The following XNDC1N variants were observed in gnomAD, a reference collection of about 807,000 sequenced individuals.
The protein encoded by XNDC1N is protein XNDC1N.
the XNDC1N span, chr11:71,916,809 C>A: frequency 6.3e-6 from 1 of 157,696 alleles, no homozygotes; most frequent in Non-Finnish European, 1.4e-5. Flanking sequence ...CAACTTAAAA[C>A]AGACAAATCC....
chr11:71,909,817 T>A, the XNDC1N span, among the ~76,000 whole-genome samples: 569 of 152,308 alleles, frequency 3.7e-3, 4 homozygotes, highest in African/African-American at 0.013. Flanking sequence ...AGGAAGGGAC[T>A]TGCTCAGCAA....
chr11:71,885,965 T>C, the XNDC1N span, among the ~76,000 whole-genome samples: 1 of 152,004 alleles, frequency 6.6e-6, no homozygotes, highest in Non-Finnish European at 1.5e-5. Context: ...GGGTTATTAA[T>C]ATTGATAATT....
At chr11:71,911,493 G>A in the XNDC1N span, among the ~76,000 whole-genome samples, 6 of 152,128 alleles carry the variant, frequency 3.9e-5, no homozygotes, top group Admixed American at 1.3e-4. Context: ...GAGGTGCAGG[G>A]TATGCAGTGA....
chr11:71,916,836 C>A, the XNDC1N span: 1 of 157,210 alleles, frequency 6.4e-6, no homozygotes, highest in Non-Finnish European at 1.4e-5. Flanking sequence ...GACTGTACAT[C>A]CCTAGAGGCT....
the XNDC1N span, among the ~76,000 whole-genome samples, chr11:71,896,452 A>G: frequency 6.6e-6 from 1 of 152,268 alleles, no homozygotes; most frequent in Non-Finnish European, 1.5e-5. Context: ...TGAAAATTTT[A>G]GTTCACAAGA....
the XNDC1N span, among the ~76,000 whole-genome samples, chr11:71,890,196 G>A: frequency 1.3e-5 from 2 of 152,040 alleles, no homozygotes; most frequent in African/African-American, 4.8e-5. Flanking sequence ...CTCCTCCCCC[G>A]GCCCCGGATA....
At chr11:71,919,603 TG>T in the XNDC1N span, among the ~76,000 whole-genome samples, 4 of 75,966 alleles carry the variant, frequency 5.3e-5, no homozygotes, top group Non-Finnish European at 8.9e-5. Context: ...TTGGCCAGGT[TG>T]GTTTTTTTTT....
the XNDC1N span, chr11:71,903,658 T>C: frequency 6.3e-6 from 3 of 479,708 alleles, no homozygotes; most frequent in East Asian, 4.3e-5. Flanking sequence ...TTCTTTTTTT[T>C]TTTTTCCCTC....
At chr11:71,912,162 G>A in the XNDC1N span, among the ~76,000 whole-genome samples, 2,514 of 152,262 alleles carry the variant, frequency 0.017, 73 homozygotes, top group African/African-American at 0.058. Context: ...GTTACCTGCC[G>A]CCAGCATGAT....
At chr11:71,928,258 G>T in the XNDC1N span, 1 of 562,620 alleles carries the variant, frequency 1.8e-6, no homozygotes. Context: ...CCGCACCGCT[G>T]CTTTCACAGC....
At chr11:71,890,694 C>A in the XNDC1N span, among the ~76,000 whole-genome samples, 2 of 151,862 alleles carry the variant, frequency 1.3e-5, no homozygotes, top group Non-Finnish European at 2.9e-5. Context: ...ACAACCCCTG[C>A]GATATTTGGA....
chr11:71,886,606 T>A, the XNDC1N span, among the ~76,000 whole-genome samples: 1 of 152,184 alleles, frequency 6.6e-6, no homozygotes, highest in Admixed American at 6.5e-5. Context: ...GCCTATCGTA[T>A]GTATACTCCC....
chr11:71,914,457 C>CG, the XNDC1N span: 6 of 444,400 alleles, frequency 1.4e-5, no homozygotes, highest in Admixed American at 1.4e-4. Context: ...ATGGCTGAGG[C>CG]GGGTGGATCA....
At chr11:71,883,173 G>T in the XNDC1N span, among the ~76,000 whole-genome samples, 1 of 152,156 alleles carries the variant, frequency 6.6e-6, no homozygotes, top group East Asian at 1.9e-4. Context: ...ACTATTCAAA[G>T]CAATTTATAG....
At chr11:71,890,430 A>G in the XNDC1N span, among the ~76,000 whole-genome samples, 4 of 152,110 alleles carry the variant, frequency 2.6e-5, no homozygotes, top group Admixed American at 1.3e-4. Context: ...CCCTTCTGGA[A>G]CTTAGGGACA....
chr11:71,928,086 G>A, the XNDC1N span: 1 of 232,506 alleles, frequency 4.3e-6, no homozygotes, highest in East Asian at 1.2e-4. Flanking sequence ...ACAGTGAATG[G>A]TGTATAAAAA....
chr11:71,888,205 C>G, the XNDC1N span, among the ~76,000 whole-genome samples: 1 of 152,266 alleles, frequency 6.6e-6, no homozygotes, highest in East Asian at 1.9e-4. Context: ...GATCTGCTGA[C>G]AGAAGGTATG....
the XNDC1N span, among the ~76,000 whole-genome samples, chr11:71,867,905 A>G: frequency 2.6e-5 from 4 of 152,242 alleles, no homozygotes; most frequent in African/African-American, 9.6e-5. Context: ...TCCCACTACT[A>G]CTGTGTGGTT....
the XNDC1N span, chr11:71,878,454 T>C: frequency 5.0e-6 from 8 of 1,611,630 alleles, no homozygotes; most frequent in Non-Finnish European, 6.8e-6. Flanking sequence ...TATTCAACCA[T>C]GAGGGTCTTG....
Sources: allele counts gnomAD v4.1 joint callset (sites outside exome capture counted in the v4.1 genomes callset), GRCh38; gene constraint gnomAD v4.1.1; transcripts MANE v1.5; gene names NCBI Gene and HGNC (gene_info 2026-07-23, HGNC 2026-07-21).